COL6A3: variants seen among roughly 807,000 people sequenced by gnomAD.
The protein encoded by COL6A3 is collagen alpha-3(VI) chain.
A neutral mutation model predicts 274.1 loss-of-function variants in COL6A3; 137 were observed. That is an observed-to-expected ratio of 0.50 (90% CI 0.44 to 0.58). The LOEUF (loss-of-function observed/expected upper bound fraction) is 0.58, where lower values mean the gene tolerates loss of function less well. COL6A3 is among the 20% of genes least tolerant of loss of function. The pLI, the probability that COL6A3 is intolerant of heterozygous loss-of-function variation, is 0.00. For missense variants in COL6A3, 3,950 were observed against 4,124.9 expected (o/e 0.96, Z 1.16); for synonymous variants, 1,650 against 1,650.6 (o/e 1.00, Z 0.01).
At chr2:237,328,076 A>G (rs1700043024) in intron 42 of COL6A3, 2 of 152,154 alleles carry the variant, frequency 1.3e-5, no homozygotes, top group Non-Finnish European at 2.9e-5. Flanking sequence ...ATTATTGAGA[A>G]CCTAGTGGGA....
intron 24 of COL6A3, among the ~76,000 whole-genome samples, chr2:237,354,410 C>T (rs959456904): frequency 2.6e-5 from 4 of 152,000 alleles, no homozygotes; most frequent in Non-Finnish European, 5.9e-5. Context: ...GAAAGTCATC[C>T]CTCTGCTCAT....
intron 10 of COL6A3, among the ~76,000 whole-genome samples, chr2:237,367,952 C>T (rs1045355226): frequency 2.6e-5 from 4 of 152,150 alleles, no homozygotes; most frequent in African/African-American, 4.8e-5. Flanking sequence ...GAGCAGTGAG[C>T]TAGGGAAACA....
Position 237,368,482 on chromosome 2 carries a change from A to G in COL6A3, c.4900+81T>C, listed in dbSNP as rs1296246179. On this transcript the variant is annotated intron_variant, in intron 10 of 43. Transcript: ENST00000295550. The surrounding 1 kb of genome is among the most constrained non-coding windows in gnomAD (Gnocchi z 4.4). Reference sequence around the variant, plus strand: ...CAACCCAGAGAGAAGAAAATTATTAAAAATGACTACTGATTACTTTTTTAA... The same window carrying G: ...CAACCCAGAGAGAAGAAAATTATTAGAAATGACTACTGATTACTTTTTTAA... 3 of 1,515,812 alleles carry G rather than the reference A, an allele frequency of 2.0e-6. No homozygotes were observed. Among genetic ancestry groups the G allele is most frequent in the Non-Finnish European group, 2.7e-6 (3 of 1,119,226 alleles). The allele number at this position is 1,515,812 out of a possible 1,614,324, so 93.9% of individuals were successfully genotyped here.
At chr2:237,394,522 G>A in intron 3 of COL6A3, 65 bp downstream of exon 3, 1 of 1,607,894 alleles carries the variant, frequency 6.2e-7, no homozygotes, top group Non-Finnish European at 8.5e-7. Flanking sequence ...TTTAAGGCCA[G>A]CAGTTGCCAA....
intron 32 of COL6A3, among the ~76,000 whole-genome samples, chr2:237,345,597 G>A (rs1395460447): frequency 6.6e-6 from 1 of 152,130 alleles, no homozygotes; most frequent in African/African-American, 2.4e-5. Context: ...GAGCTGCCCT[G>A]GCTCCCTCCG....
chr2:237,355,146 G>A (rs549899181), intron 23 of COL6A3: 8 of 511,722 alleles, frequency 1.6e-5, no homozygotes, highest in Admixed American at 6.7e-5. Flanking sequence ...TCATCCGGGT[G>A]AAGTTTTGCT....
Position 237,369,155 on chromosome 2 carries a change from G to A in COL6A3, c.4308C>T (p.Asp1436=), listed in dbSNP as rs775286217. 1.9e-6 allele frequency: 3 copies of A among 1,612,388 alleles called. No homozygotes were observed. In the Admixed American group the frequency reaches 5.0e-5, roughly 27 times the overall value. Residue 1436 remains aspartate (D), a synonymous_variant, in exon 10 of 44, where the codon GAC becomes GAT. Coordinates refer to ENST00000295550, the MANE Select transcript of COL6A3 (RefSeq NM_004369.4). ...PPPAVESDAA[D]IVFLIDSSEG... ...CAGAGCTGTCGATCAGAAAGACAAT[G>A]TCTGCAGCATCACTCTCAACTGCTG... is the stretch of plus-strand genomic sequence containing the variant.
intron 1 of COL6A3, among the ~76,000 whole-genome samples, chr2:237,410,806 T>TC (rs2078838769): frequency 6.6e-6 from 1 of 152,210 alleles, no homozygotes; most frequent in Non-Finnish European, 1.5e-5. Context: ...AATAGGATTG[T>TC]CCTTTCTTTG....
At position 237,396,797 on chromosome 2, in the gene COL6A3, C is replaced by A. The variant is rs2078452919; in HGVS notation, c.21G>T (p.Leu7Phe). The A allele has an allele frequency of 1.9e-6, 3 of 1,614,158 alleles. No individual in the cohort carries two copies. The highest frequency in any genetic ancestry group is 2.5e-6 in the Non-Finnish European group (3 of 1,180,018). ...AGAGGCAAAAGACGGCCACTAAGGG[C>A]AAGTGCCGATGTTTCCTCATTTTGA... MRKHRH[L>F]PLVAVFCLFL... Residue 7 changes from leucine (L) to phenylalanine (F), a missense_variant, in exon 2 of 44, where the codon TTG (leucine) becomes TTT (phenylalanine). Physicochemically the swap from Leu to Phe is conservative, Grantham distance 22. Around this residue, in one of 5 missense-constraint regions of COL6A3, gnomAD observed 1,934 missense variants for 1,984.3 expected, o/e 0.97. Transcript: ENST00000295550.
chr2:237,406,906 CCTT>C lies in COL6A3; in HGVS notation c.-31+7044_-31+7046del, dbSNP rs1475100440. ...GGATTTCACATTTCTTTCTTTTTTC[CCTT>C]TTTTTTTTTTTTTTTTTTGAGACAG... On this transcript the variant is annotated intron_variant, in intron 1 of 43. Transcript: ENST00000295550. Among the ~76,000 whole-genome samples the C allele has an allele frequency of 7.0e-5, 10 of 143,092 alleles. No homozygotes were observed. In the East Asian group the frequency reaches 2.0e-3, roughly 28 times the overall value. The allele number at this position is 143,092 out of a possible 152,430, so 93.9% of individuals were successfully genotyped here. A position where few individuals can be genotyped will look rare whatever the true frequency, so the allele number is the denominator to read the frequency against.
In COL6A3 at chr2:237,334,628, G is replaced by A; in HGVS notation, c.9227C>T (p.Thr3076Ile). 6.2e-7 allele frequency: 1 copy of A among 1,613,222 alleles called. No homozygotes were observed. The highest frequency in any genetic ancestry group is 8.5e-7 in the Non-Finnish European group (1 of 1,179,996). The change falls in exon 41 of 44, where the codon ACA becomes ATA. Residue 3076 changes from threonine (T) to isoleucine (I), a missense_variant and splice_region_variant. By Grantham distance (89) the Thr-to-Ile change is moderately conservative. Transcript: ENST00000295550. ...ACTTGTACTGATCATGTACTTACTT[G>A]TACTGAAACTTCCGTGGTAGGTGGC... is the stretch of plus-strand genomic sequence containing the variant. ...VRATYHGSFSTKKSQPPPPQP... is the reference protein window; with the variant it reads ...VRATYHGSFSIKKSQPPPPQP...
intron 17 of COL6A3, 66 bp downstream of exon 17, chr2:237,360,022 C>G: frequency 2.0e-6 from 3 of 1,514,950 alleles, no homozygotes; most frequent in East Asian, 2.3e-5. Context: ...TCCCTGGCAG[C>G]ATCTGGAGAA....
At chr2:237,347,129 G>A (rs1475216979) in intron 31 of COL6A3, among the ~76,000 whole-genome samples, 1 of 151,952 alleles carries the variant, frequency 6.6e-6, no homozygotes, top group Admixed American at 6.6e-5. Flanking sequence ...GAATAATCTG[G>A]CCAGGTGTGG....
chr2:237,366,913 A>T lies in COL6A3; in HGVS notation c.5274T>A (p.Asp1758Glu). The T allele has an allele frequency of 6.2e-7, 1 of 1,614,192 alleles. No homozygotes were observed. The highest frequency in any genetic ancestry group is 8.5e-7 in the Non-Finnish European group (1 of 1,180,038). Residue 1758 changes from aspartate (D) to glutamate (E), a missense_variant, in exon 11 of 44, where the codon GAT becomes GAA. Coordinates refer to ENST00000295550, the MANE Select transcript of COL6A3 (RefSeq NM_004369.4). ...FVITGGKSVEDAQDVSLALTQ... is the reference protein window; with the variant it reads ...FVITGGKSVEEAQDVSLALTQ... ...TGAGGGCCAGGCTCACATCCTGTGC[A>T]TCTTCCACCGACTTTCCTCCCGTGA...
Position 237,364,426 on chromosome 2 carries a change from C to T in COL6A3, c.5841G>A (p.Val1947=), listed in dbSNP as rs1240071469. 6.2e-7 allele frequency: 1 copy of T among 1,612,530 alleles called. No homozygotes were observed. The highest frequency in any genetic ancestry group is 1.3e-5 in the African/African-American group (1 of 74,856). ...FRQSSPDSVK[V]VIHFTDGADG... ...CTGCTCCATCAGTAAAATGAATGAC[C>T]ACCTGCAGATAAGAGAGCTGTCAAA... Residue 1947 remains valine (V), a splice_region_variant and synonymous_variant, in exon 13 of 44, where the codon GTG becomes GTA. Coordinates refer to ENST00000295550, the MANE Select transcript of COL6A3 (RefSeq NM_004369.4). The surrounding 1 kb of genome is among the most constrained non-coding windows in gnomAD (Gnocchi z 4.6).
intron 23 of COL6A3, 21 bp from the exon 24 acceptor site, chr2:237,354,955 C>A: frequency 6.2e-7 from 1 of 1,613,192 alleles, no homozygotes; most frequent in Non-Finnish European, 8.5e-7. Context: ...AAAAGTCCCA[C>A]AAACTGTGAG....
Position 237,365,962 on chromosome 2 carries a change from G to A in COL6A3, c.5574C>T (p.Phe1858=), listed in dbSNP as rs114259747. 9.9e-6 allele frequency: 16 copies of A among 1,614,040 alleles called. No individual in the cohort carries two copies. Among genetic ancestry groups the A allele is most frequent in the Admixed American group, 5.0e-5 (3 of 60,018 alleles). Residue 1858 remains phenylalanine, a synonymous_variant, in exon 12 of 44, where the codon TTC becomes TTT. Coordinates refer to ENST00000295550, the MANE Select transcript of COL6A3 (RefSeq NM_004369.4). ...DQNVFVAQKG[F]ESKVDAILNR... ...TCAAGATGGCGTCCACCTTGGACTC[G>A]AAGCCCTTCTGGGCCACAAAAACAT...
At position 237,374,692 on chromosome 2, in the gene COL6A3, G is replaced by A; in HGVS notation, c.3399C>T (p.Pro1133=). Reference sequence around the variant, plus strand: ...CGGCCGTGAGGACGATCAGCAGCTGGGGCACACCTTCTGTTATCCTGCTTC... The same window carrying A: ...CGGCCGTGAGGACGATCAGCAGCTGAGGCACACCTTCTGTTATCCTGCTTC... ...SAGSRITEGV[P]QLLIVLTADR... The change falls in exon 8 of 44, where the codon CCC becomes CCT. Residue 1133 remains proline (P), a synonymous_variant. Coordinates refer to ENST00000295550, the MANE Select transcript of COL6A3 (RefSeq NM_004369.4). The surrounding 1 kb of genome is among the most constrained non-coding windows in gnomAD (Gnocchi z 4.8). 5 of 1,613,746 alleles carry A rather than the reference G, an allele frequency of 3.1e-6. No individual in the cohort carries two copies. Among genetic ancestry groups the A allele is most frequent in the Non-Finnish European group, 4.2e-6 (5 of 1,179,732 alleles).
chr2:237,351,791 A>G (rs189770421), intron 26 of COL6A3, among the ~76,000 whole-genome samples: 25 of 152,382 alleles, frequency 1.6e-4, no homozygotes, highest in African/African-American at 5.8e-4. Flanking sequence ...AAAAACGTCT[A>G]AAGATATGTA....
Sources: gnomAD v4.1 joint callset for allele counts (sites outside exome capture counted in the v4.1 genomes callset) on GRCh38, gnomAD v4.1.1 for gene constraint, gnomAD v4.1.1 regional missense constraint, Gnocchi (gnomAD v3.1) non-coding constraint, MANE v1.5 for transcripts, NCBI Gene and HGNC (gene_info 2026-07-23, HGNC 2026-07-21) for gene names.